Variants in SOX17 observed in about 807,000 individuals in gnomAD.
SOX17 encodes the protein transcription factor SOX-17.
SOX17 carries 4 observed loss-of-function variants against 16.0 expected under a neutral mutation model. That is an observed-to-expected ratio of 0.25 (90% CI 0.12 to 0.57). The LOEUF is 0.57. SOX17 is among the 20% of genes least tolerant of loss of function. The pLI is 0.92. For synonymous variants in SOX17, 357 were observed against 284.6 expected, an observed-to-expected ratio of 1.25 and a Z score of -2.56; for missense variants, 633 against 609.7, an observed-to-expected ratio of 1.04 and a Z score of -0.40.
rs73679444 is a variant in SOX17 at position 54,458,912 on chromosome 8, C to A, written c.308-146C>A. The A allele has an allele frequency of 0.11, 77,769 of 707,512 alleles. 5,391 individuals carry two copies. The highest frequency in any genetic ancestry group is 0.32 in the East Asian group (10,482 of 32,806). 43.8% of individuals were successfully genotyped at this position (707,512 alleles called of 1,614,324 possible). ...TCCCCAAGGGCTCGGACTCAGGAGT[C>A]CCAGATCTCCCTCTTTAACTTCACC... On this transcript the variant is annotated intron_variant, in intron 1 of 1. Coordinates refer to ENST00000297316, the MANE Select transcript of SOX17 (RefSeq NM_022454.4).
rs1390464895 is a variant in SOX17 at position 54,460,013 on chromosome 8, C to G, written c.*18C>G. 1.2e-6 allele frequency: 2 copies of G among 1,612,786 alleles called. No individual in the cohort carries two copies. The highest frequency in any genetic ancestry group is 8.5e-7 in the Non-Finnish European group (1 of 1,179,432). On this transcript the variant is annotated 3_prime_UTR_variant, in exon 2 of 2. Coordinates refer to ENST00000297316, the MANE Select transcript of SOX17 (RefSeq NM_022454.4). ...ACGTGTGACAGGTCCCTGATCCGCC[C>G]CAGCCTGCAGGCCAGAAGCAGTGTT...
rs972909859 is a variant in SOX17 at position 54,458,504 on chromosome 8, T to G, written c.307+59T>G. 5.0e-6 allele frequency: 8 copies of G among 1,590,462 alleles called. No homozygotes were observed. In the South Asian group the frequency reaches 9.0e-5, roughly 18 times the overall value. ...GCGCTGGCGCGAATCGCTAGGCCGATTTCTTAAACCCCAAACTGTTCTTTG... is the reference window on the plus strand; with the variant it reads ...GCGCTGGCGCGAATCGCTAGGCCGAGTTCTTAAACCCCAAACTGTTCTTTG... On this transcript the variant is annotated intron_variant, in intron 1 of 1. Coordinates refer to ENST00000297316, the MANE Select transcript of SOX17 (RefSeq NM_022454.4).
At position 54,459,436 on chromosome 8, in the gene SOX17, G is replaced by A; in HGVS notation, c.686G>A (p.Gly229Asp). The A allele has an allele frequency of 2.0e-6, 3 of 1,529,350 alleles. No homozygotes were observed. In the South Asian group the frequency reaches 3.6e-5, roughly 18 times the overall value. 94.7% of individuals were successfully genotyped at this position (1,529,350 alleles called of 1,614,324 possible). The change falls in exon 2 of 2, where the codon GGC becomes GAC. Residue 229 changes from glycine to aspartate, a missense_variant. Coordinates refer to ENST00000297316, the MANE Select transcript of SOX17 (RefSeq NM_022454.4). ...LPTPDTSPLD[G>D]VDPDPAFFAA... ...ACGCCCGACACGTCCCCGCTGGACG[G>A]CGTGGACCCCGACCCGGCTTTCTTC...
intron 1 of SOX17, 41 bp from the exon 2 acceptor site, chr8:54,459,017 A>G (rs780227105): frequency 3.2e-5 from 48 of 1,519,986 alleles, no homozygotes; most frequent in African/African-American, 1.8e-4. Context: ...AGCGCAGCCG[A>G]TAAGCCCTGC....
Position 54,459,635 on chromosome 8 carries a change from G to A in SOX17, c.885G>A (p.Val295=). ...TGGCGCCACCCAGCGCCCTTCACGT[G>A]TACTACGGCGCGATGGGCTCGCCCG... ...GLLAPPSALH[V]YYGAMGSPGA... is the part of the protein sequence containing the mutation. The change falls in exon 2 of 2, where the codon GTG becomes GTA. Residue 295 remains valine (V), a synonymous_variant. Coordinates refer to ENST00000297316, the MANE Select transcript of SOX17 (RefSeq NM_022454.4). 1.3e-6 allele frequency: 2 copies of A among 1,537,974 alleles called. No homozygotes were observed. The highest frequency in any genetic ancestry group is 1.2e-5 in the South Asian group (1 of 84,076).
In SOX17 at chr8:54,459,693, C is replaced by G; in HGVS notation, c.943C>G (p.Pro315Ala). The change falls in exon 2 of 2, where the codon CCG becomes GCG. Residue 315 changes from proline (P) to alanine (A), a missense_variant. Pro to Ala is a conservative substitution (Grantham distance 27). Transcript: ENST00000297316. ...AGGGRGFQMQPQHQHQHQHQH... is the reference protein window; with the variant it reads ...AGGGRGFQMQAQHQHQHQHQH... ...CGGCGGGCGCGGCTTCCAGATGCAGCCGCAACACCAGCACCAGCACCAGCA... is the reference window on the plus strand; with the variant it reads ...CGGCGGGCGCGGCTTCCAGATGCAGGCGCAACACCAGCACCAGCACCAGCA... 1.9e-6 allele frequency: 3 copies of G among 1,541,548 alleles called. No homozygotes were observed. Among genetic ancestry groups the G allele is most frequent in the Non-Finnish European group, 2.6e-6 (3 of 1,148,088 alleles).
At chr8:54,458,591 T>A in intron 1 of SOX17, 146 bp downstream of exon 1, 1 of 1,015,036 alleles carries the variant, frequency 9.9e-7, no homozygotes, top group East Asian at 2.7e-5. Flanking sequence ...GGCTCTGGGT[T>A]CCCTTCCCGC....
Position 54,460,072 on chromosome 8 carries a change from G to A in SOX17, c.*77G>A. On this transcript the variant is annotated 3_prime_UTR_variant, in exon 2 of 2. Transcript: ENST00000297316. Reference sequence around the variant, plus strand: ...CCTGGAGGAGCTAAGGAAATCCTCAGACTCCTGGGTTTTTGTTGTTGCTGT... The same window carrying A: ...CCTGGAGGAGCTAAGGAAATCCTCAAACTCCTGGGTTTTTGTTGTTGCTGT... The A allele has an allele frequency of 6.8e-7, 1 of 1,479,448 alleles. No individual in the cohort carries two copies. The highest frequency in any genetic ancestry group is 1.1e-5 in the South Asian group (1 of 88,048). The allele number at this position is 1,479,448 out of a possible 1,614,324, so 91.6% of individuals were successfully genotyped here. A position where few individuals can be genotyped will look rare whatever the true frequency, so the allele number is the denominator to read the frequency against.
At chr8:54,458,874 A>G (rs1327872851) in intron 1 of SOX17, among the ~76,000 whole-genome samples, 184 bp from the exon 2 acceptor site, 2 of 152,210 alleles carry the variant, frequency 1.3e-5, no homozygotes, top group African/African-American at 4.8e-5. Context: ...GGGTGCCTTT[A>G]GAGGACGGGT....
chr8:54,458,539 C>A, intron 1 of SOX17, 94 bp downstream of exon 1: 2 of 1,470,104 alleles, frequency 1.4e-6, no homozygotes, highest in Non-Finnish European at 1.9e-6. Context: ...GCGAGCCTGA[C>A]GCCCAAAACC....
rs1266782495 is a variant in SOX17, at chr8:54,459,596, G to A, written c.846G>A (p.Ser282=). ...TCGGCCCAGAGCCCGCGGGTCCCTC[G>A]ATTCCGGGCCTCCTGGCGCCACCCA... The part of the protein sequence containing the change: ...PRLGPEPAGP[S]IPGLLAPPSA... The change falls in exon 2 of 2, where the codon TCG becomes TCA. Residue 282 remains serine (S), a synonymous_variant. Coordinates refer to ENST00000297316, the MANE Select transcript of SOX17 (RefSeq NM_022454.4). 6.5e-7 allele frequency: 1 copy of A among 1,540,604 alleles called. No individual in the cohort carries two copies. Among genetic ancestry groups the A allele is most frequent in the Non-Finnish European group, 8.7e-7 (1 of 1,149,160 alleles).
rs1804662249 is a variant in SOX17 at position 54,458,008 on chromosome 8, C to T, written c.-131C>T. The T allele has an allele frequency of 6.3e-6, 7 of 1,118,092 alleles. No individual in the cohort carries two copies. Among genetic ancestry groups the T allele is most frequent in the South Asian group, 5.3e-5 (3 of 56,320 alleles). 69.3% of individuals were successfully genotyped at this position (1,118,092 alleles called of 1,614,324 possible). On this transcript the variant is annotated 5_prime_UTR_variant, in exon 1 of 2. Coordinates refer to ENST00000297316, the MANE Select transcript of SOX17 (RefSeq NM_022454.4). ...CCGCGACAGGCCAGAACACGGGCGG[C>T]GGCTTCGGGCCGGGAGACCCGCGCA...
Position 54,460,019 on chromosome 8 carries a change from T to G in SOX17, c.*24T>G. 6.2e-7 allele frequency: 1 copy of G among 1,612,280 alleles called. No individual in the cohort carries two copies. Among genetic ancestry groups the G allele is most frequent in the Non-Finnish European group, 8.5e-7 (1 of 1,178,958 alleles). On this transcript the variant is annotated 3_prime_UTR_variant, in exon 2 of 2. Transcript: ENST00000297316. ...GACAGGTCCCTGATCCGCCCCAGCC[T>G]GCAGGCCAGAAGCAGTGTTACACAC...
Position 54,457,960 on chromosome 8 carries a change from C to T in SOX17, c.-179C>T, listed in dbSNP as rs984711436. On this transcript the variant is annotated 5_prime_UTR_variant, in exon 1 of 2. Transcript: ENST00000297316. Reference sequence around the variant, plus strand: ...GCAGTGTCACTAGGCCGGCTGGGGGCCCTGGGTACGCTGTAGACCAGACCG... The same window carrying T: ...GCAGTGTCACTAGGCCGGCTGGGGGTCCTGGGTACGCTGTAGACCAGACCG... 31 of 714,014 alleles carry T rather than the reference C, an allele frequency of 4.3e-5. No homozygotes were observed. The East Asian group carries it at 9.4e-4, about 22-fold the overall frequency. The allele number at this position is 714,014 out of a possible 1,614,324, so 44.2% of individuals were successfully genotyped here.
At position 54,460,106 on chromosome 8, in the gene SOX17, T is replaced by C. The variant is rs1251333923; in HGVS notation, c.*111T>C. ...GTTTTTGTTGTTGCTGTTGTTGTTT[T>C]TTAAAAGGTGTGTTGGCATATAATT... On this transcript the variant is annotated 3_prime_UTR_variant, in exon 2 of 2. Coordinates refer to ENST00000297316, the MANE Select transcript of SOX17 (RefSeq NM_022454.4). 8 of 1,147,316 alleles carry C rather than the reference T, an allele frequency of 7.0e-6. No individual in the cohort carries two copies. Among genetic ancestry groups the C allele is most frequent in the Non-Finnish European group, 1.0e-5 (8 of 771,498 alleles). 71.1% of individuals were successfully genotyped at this position (1,147,316 alleles called of 1,614,324 possible).
At chr8:54,458,917 A>G in intron 1 of SOX17, 141 bp from the exon 2 acceptor site, 1 of 722,942 alleles carries the variant, frequency 1.4e-6, no homozygotes, top group South Asian at 2.1e-5. Flanking sequence ...GGAGTCCCAG[A>G]TCTCCCTCTT....
In SOX17 at chr8:54,459,393, G is replaced by C. The variant is rs1804695597; in HGVS notation, c.643G>C (p.Asp215His). 2 of 1,555,856 alleles carry C rather than the reference G, an allele frequency of 1.3e-6. No homozygotes were observed. The highest frequency in any genetic ancestry group is 4.9e-5 in the East Asian group (2 of 40,404). The change falls in exon 2 of 2, where the codon GAC (aspartate) becomes CAC (histidine). Residue 215 changes from aspartate (D) to histidine (H), a missense_variant. Around this residue, in one of 5 missense-constraint regions of SOX17, gnomAD observed 479 missense variants for 397.2 expected, o/e 1.21. Transcript: ENST00000297316. The stretch of plus-strand genomic sequence containing the variant: ...CCAGAGTCTGGGCGCGCCTCCGCTC[G>C]ACGGCTACCCGTTGCCCACGCCCGA... The part of the protein sequence containing the change: ...DCQSLGAPPL[D>H]GYPLPTPDTS...
In SOX17 at chr8:54,459,337, C is replaced by T. The variant is rs759433130; in HGVS notation, c.587C>T (p.Pro196Leu). 9 of 1,547,868 alleles carry T rather than the reference C, an allele frequency of 5.8e-6. No homozygotes were observed. In the South Asian group the frequency reaches 9.5e-5, roughly 16 times the overall value. ...TTCCCCGCCGGCCCGCCGCTGCTGCCTCCGCACATGGGCGGCCACTACCGC... is the reference window on the plus strand; with the variant it reads ...TTCCCCGCCGGCCCGCCGCTGCTGCTTCCGCACATGGGCGGCCACTACCGC... ...QGFPAGPPLL[P>L]PHMGGHYRDC... is the part of the protein sequence containing the mutation. The change falls in exon 2 of 2, where the codon CCT becomes CTT. Residue 196 changes from proline (P) to leucine (L), a missense_variant. Physicochemically the swap from Pro to Leu is moderately conservative, Grantham distance 98. Coordinates refer to ENST00000297316, the MANE Select transcript of SOX17 (RefSeq NM_022454.4).
Position 54,460,056 on chromosome 8 carries a change from G to T in SOX17, c.*61G>T. On this transcript the variant is annotated 3_prime_UTR_variant, in exon 2 of 2. Transcript: ENST00000297316. ...GCAGTGTTACACACTTCCTGGAGGA[G>T]CTAAGGAAATCCTCAGACTCCTGGG... 1.3e-6 allele frequency: 2 copies of T among 1,563,346 alleles called. No homozygotes were observed. Among genetic ancestry groups the T allele is most frequent in the Admixed American group, 3.3e-5 (2 of 59,940 alleles).
Sources: gnomAD v4.1 joint callset for allele counts (sites outside exome capture counted in the v4.1 genomes callset) on GRCh38, gnomAD v4.1.1 for gene constraint, gnomAD v4.1.1 regional missense constraint, MANE v1.5 for transcripts, NCBI Gene and HGNC (gene_info 2026-07-23, HGNC 2026-07-21) for gene names.